The following EXOC3L4 variants were observed in gnomAD, a reference collection of about 807,000 sequenced individuals.
EXOC3L4 encodes exocyst complex component 3-like protein 4.
In EXOC3L4, 62 loss-of-function variants were observed where a neutral mutation model predicts 69.7. The observed-to-expected ratio is 0.89, with a 90% CI of 0.72 to 1.10. The LOEUF is 1.10. Ranked by LOEUF, EXOC3L4 falls within the 50% of genes least tolerant of loss-of-function variation. The probability of loss-of-function intolerance (pLI) is 0.00; values close to 1 mark genes in which losing one functional copy is unlikely to be tolerated. For missense variants in EXOC3L4, 1,087 were observed against 1,034.8 expected (o/e 1.05, Z -0.69); for synonymous variants, 502 against 464.2 (o/e 1.08, Z -1.05).
At position 103,102,241 on chromosome 14, in the gene EXOC3L4, C is replaced by A; in HGVS notation, c.518C>A (p.Thr173Lys). Residue 173 changes from threonine (T) to lysine (K), a missense_variant, in exon 3 of 12, where the codon ACG (threonine) becomes AAG (lysine). Thr to Lys is a moderately conservative substitution (Grantham distance 78). Transcript: ENST00000688303. ...KASRTFEQDP[T>K]AFARRAMDVC... ...TCGCGCACCTTTGAGCAGGACCCTA[C>A]GGCCTTCGCGCGGCGCGCTATGGAC... 1 of 1,589,156 alleles carries A rather than the reference C, an allele frequency of 6.3e-7. No individual in the cohort carries two copies. Among genetic ancestry groups the A allele is most frequent in the African/African-American group, 1.3e-5 (1 of 74,504 alleles).
Position 103,110,378 on chromosome 14 carries a change from C to A in EXOC3L4, c.*155C>A. 1.1e-6 allele frequency: 1 copy of A among 898,312 alleles called. No homozygotes were observed. Among genetic ancestry groups the A allele is most frequent in the Non-Finnish European group, 1.8e-6 (1 of 566,048 alleles). The allele number at this position is 898,312 out of a possible 1,614,324, so 55.6% of individuals were successfully genotyped here. On this transcript the variant is annotated 3_prime_UTR_variant, in exon 12 of 12. Coordinates refer to ENST00000688303, the MANE Select transcript of EXOC3L4 (RefSeq NM_001077594.2). ...TCAGCAGCCAAGCGCAGCTGTCAGG[C>A]CAGAAGGAGCAGCCGTGCAGGAGGC...
At position 103,102,572 on chromosome 14, in the gene EXOC3L4, T is replaced by C. The variant is rs1350489697; in HGVS notation, c.849T>C (p.Gly283=). ...TGGCCCAGCTTCTGGCCGAGCTGGG[T>C]GGCTTGGTTCGCCGCGACCTGCAGA... is the stretch of plus-strand genomic sequence containing the variant. ...SGLAQLLAEL[G]GLVRRDLQKV... Residue 283 remains glycine (G), a synonymous_variant, in exon 3 of 12, where the codon GGT becomes GGC. Transcript: ENST00000688303. 1.0e-5 allele frequency: 15 copies of C among 1,458,928 alleles called. No individual in the cohort carries two copies. The highest frequency in any genetic ancestry group is 1.4e-5 in the Non-Finnish European group (15 of 1,108,476). 90.4% of individuals were successfully genotyped at this position (1,458,928 alleles called of 1,614,324 possible). A position where few individuals can be genotyped will look rare whatever the true frequency, so the allele number is the denominator to read the frequency against.
intron 8 of EXOC3L4, 84 bp downstream of exon 8, chr14:103,106,983 G>T: frequency 8.7e-7 from 1 of 1,144,218 alleles, no homozygotes; most frequent in Non-Finnish European, 1.2e-6. Context: ...CCAGGTCACA[G>T]CATTCATTTA....
chr14:103,108,658 C>T, intron 11 of EXOC3L4, 141 bp downstream of exon 11: 1 of 1,168,966 alleles, frequency 8.6e-7, no homozygotes, highest in Non-Finnish European at 1.2e-6. Flanking sequence ...GACCCTCAGA[C>T]CCTCAAGGCT....
Position 103,110,340 on chromosome 14 carries a change from G to A in EXOC3L4, c.*117G>A. On this transcript the variant is annotated 3_prime_UTR_variant, in exon 12 of 12. Coordinates refer to ENST00000688303, the MANE Select transcript of EXOC3L4 (RefSeq NM_001077594.2). ...CCCCCAACTCTGACACTGCAGTTAG[G>A]GAATTTTTGTCGTCAGCAGCCAAGC... 7.9e-7 allele frequency: 1 copy of A among 1,270,758 alleles called. No homozygotes were observed. The highest frequency in any genetic ancestry group is 1.5e-5 in the African/African-American group (1 of 67,808). 78.7% of individuals were successfully genotyped at this position (1,270,758 alleles called of 1,614,324 possible).
chr14:103,101,992 T>C, intron 2 of EXOC3L4, 126 bp from the exon 3 acceptor site: 1 of 1,022,490 alleles, frequency 9.8e-7, no homozygotes, highest in Middle Eastern at 2.4e-4. Context: ...CCTTCAGCTG[T>C]GCTGGGGCAT....
Position 103,102,377 on chromosome 14 carries a change from G to T in EXOC3L4, c.654G>T (p.Val218=). The T allele has an allele frequency of 1.9e-6, 3 of 1,558,850 alleles. No individual in the cohort carries two copies. The highest frequency in any genetic ancestry group is 2.6e-6 in the Non-Finnish European group (3 of 1,159,502). Residue 218 remains valine (V), a synonymous_variant, in exon 3 of 12, where the codon GTG becomes GTT. Coordinates refer to ENST00000688303, the MANE Select transcript of EXOC3L4 (RefSeq NM_001077594.2). The stretch of plus-strand genomic sequence containing the variant: ...CGCTGGCCGAGCTGGCCCGCGTGGT[G>T]AGCGCGGAGGAGGAAGCCCACCCTT... The part of the protein sequence containing the change: ...AAALAELARV[V]SAEEEAHPSP...
intron 8 of EXOC3L4, among the ~76,000 whole-genome samples, 184 bp from the exon 9 acceptor site, chr14:103,107,240 T>G (rs1890612227): frequency 6.6e-6 from 1 of 152,078 alleles, no homozygotes; most frequent in Non-Finnish European, 1.5e-5. Context: ...ACCCTGCCCC[T>G]AGAGCTTGGG....
At chr14:103,096,164 C>A (rs1889875551) in intron 1 of EXOC3L4, among the ~76,000 whole-genome samples, 1 of 152,074 alleles carries the variant, frequency 6.6e-6, no homozygotes, top group African/African-American at 2.4e-5. Flanking sequence ...CCAGCCTGGG[C>A]ACACATAATG....
chr14:103,105,125 G>T, intron 7 of EXOC3L4, 53 bp downstream of exon 7: 1 of 1,554,556 alleles, frequency 6.4e-7, no homozygotes, highest in Non-Finnish European at 8.7e-7. Context: ...GGGGGCGCGC[G>T]AGCGCCGGGA....
At chr14:103,107,568 C>G (rs759599760) in intron 9 of EXOC3L4, 25 bp downstream of exon 9, 8 of 1,612,634 alleles carry the variant, frequency 5.0e-6, no homozygotes, top group African/African-American at 1.3e-5. Context: ...AGGGCCCTGG[C>G]AGGGCTGTGC....
intron 1 of EXOC3L4, chr14:103,098,665 C>A (rs545018580): frequency 6.6e-6 from 1 of 152,412 alleles, no homozygotes; most frequent in East Asian, 1.9e-4. Flanking sequence ...ACACCCCTGC[C>A]CTGCTGGGCG....
At chr14:103,098,728 G>A (rs1057376577) in intron 1 of EXOC3L4, 1 of 152,332 alleles carries the variant, frequency 6.6e-6, no homozygotes, top group African/African-American at 2.4e-5. Context: ...AGCGAGTGGA[G>A]GCTGGGACAG....
chr14:103,101,801 G>A (rs1235831959), intron 2 of EXOC3L4, among the ~76,000 whole-genome samples: 1 of 152,258 alleles, frequency 6.6e-6, no homozygotes, highest in Non-Finnish European at 1.5e-5. Context: ...TCAGGGCTGA[G>A]CATGAGGCTA....
chr14:103,100,139 C>T (rs937634028), intron 1 of EXOC3L4, 65 bp from the exon 2 acceptor site: 8 of 1,437,212 alleles, frequency 5.6e-6, no homozygotes, highest in Admixed American at 2.7e-5. Flanking sequence ...TGGGTGTGGC[C>T]AGGCCCCACA....
Position 103,097,519 on chromosome 14 carries a change from G to A in EXOC3L4, c.-17+2679G>A, listed in dbSNP as rs1483497884. Among the ~76,000 whole-genome samples the A allele has an allele frequency of 2.0e-5, 3 of 152,136 alleles. No homozygotes were observed. Among genetic ancestry groups the A allele is most frequent in the Non-Finnish European group, 2.9e-5 (2 of 68,002 alleles). On this transcript the variant is annotated intron_variant, in intron 1 of 11. Transcript: ENST00000688303. The surrounding 1 kb of genome is among the most constrained non-coding windows in gnomAD (Gnocchi z 4.9). ...GCCTTCAGGTCTCAGCCCCGCAGGC[G>A]CCAGCATGGCAGCAGGCAGGCCAGC...
At chr14:103,106,561 G>A (rs1471087096) in intron 7 of EXOC3L4, among the ~76,000 whole-genome samples, 1 of 152,182 alleles carries the variant, frequency 6.6e-6, no homozygotes, top group Non-Finnish European at 1.5e-5. Flanking sequence ...TCCCAGAGCT[G>A]CCAGAGGGGA....
At chr14:103,107,075 G>A (rs1188399741) in intron 8 of EXOC3L4, among the ~76,000 whole-genome samples, 176 bp downstream of exon 8, 1 of 152,150 alleles carries the variant, frequency 6.6e-6, no homozygotes, top group Non-Finnish European at 1.5e-5. Flanking sequence ...GGGGCGGCTG[G>A]GAGACGCCTG....
chr14:103,108,589 C>A, intron 11 of EXOC3L4, 72 bp downstream of exon 11: 2 of 1,571,858 alleles, frequency 1.3e-6, no homozygotes, highest in Admixed American at 1.8e-5. Context: ...ATTGGAGCAA[C>A]CCCAGCCCAG....
Sources: gnomAD v4.1 joint callset for allele counts (sites outside exome capture counted in the v4.1 genomes callset) on GRCh38, gnomAD v4.1.1 for gene constraint, Gnocchi (gnomAD v3.1) non-coding constraint, MANE v1.5 for transcripts, NCBI Gene and HGNC (gene_info 2026-07-23, HGNC 2026-07-21) for gene names.